The following LRFN5 variants were observed in gnomAD, a reference collection of about 807,000 sequenced individuals.
LRFN5 encodes the protein leucine-rich repeat and fibronectin type-III domain-containing protein 5.
In LRFN5, 24 loss-of-function variants were observed where a neutral mutation model predicts 45.6. The ratio of observed to expected loss-of-function variants is 0.53; its 90% CI spans 0.38 to 0.74. The LOEUF (loss-of-function observed/expected upper bound fraction) is 0.74, where lower values mean the gene tolerates loss of function less well. Ranked by LOEUF, LRFN5 falls within the 30% of genes least tolerant of loss-of-function variation. The probability of loss-of-function intolerance (pLI) is 0.00; values close to 1 mark genes in which losing one functional copy is unlikely to be tolerated. For synonymous variants in LRFN5, 340 were observed against 313.8 expected (o/e 1.08, Z -0.88); for missense variants, 776 against 861.5 (o/e 0.90, Z 1.24).
chr14:41,896,758 G>A lies in LRFN5; in HGVS notation c.2099-2159G>A, dbSNP rs1161986007. On this transcript the variant is annotated intron_variant, in intron 4 of 5. Coordinates refer to ENST00000298119, the MANE Select transcript of LRFN5 (RefSeq NM_152447.5). Reference sequence around the variant, plus strand: ...TTATTTATTATTATGTTTTTCCACAGAAACAATCAATTCATGTAGCAGGGT... The same window carrying A: ...TTATTTATTATTATGTTTTTCCACAAAAACAATCAATTCATGTAGCAGGGT... 2.6e-5 allele frequency among the ~76,000 whole-genome samples: 4 copies of A among 151,934 alleles called. 1 individual carries two copies. The East Asian group carries it at 7.7e-4, about 29-fold the overall frequency.
At chr14:41,782,065 T>C (rs954906284) in intron 2 of LRFN5, among the ~76,000 whole-genome samples, 5 of 152,024 alleles carry the variant, frequency 3.3e-5, no homozygotes, top group Admixed American at 2.0e-4. Context: ...AGTGTTTGTC[T>C]TTAATTTAAA....
At chr14:41,882,876 T>C (rs1485783958) in intron 2 of LRFN5, among the ~76,000 whole-genome samples, 1 of 141,894 alleles carries the variant, frequency 7.0e-6, no homozygotes, top group Non-Finnish European at 1.5e-5. Flanking sequence ...TGAGATGGAT[T>C]CTCGTTCTGT....
intron 2 of LRFN5, among the ~76,000 whole-genome samples, chr14:41,800,168 T>A (rs554020994): frequency 6.6e-6 from 1 of 152,190 alleles, no homozygotes; most frequent in Non-Finnish European, 1.5e-5. Flanking sequence ...TCAAGTTGCA[T>A]CACATCCTAT....
intron 1 of LRFN5, among the ~76,000 whole-genome samples, chr14:41,722,895 C>T (rs149853396): frequency 5.6e-4 from 86 of 152,270 alleles, no homozygotes; most frequent in African/African-American, 1.5e-3. Context: ...TGGGCAGGTC[C>T]ACCTACAGTT....
chr14:41,623,783 A>G (rs962802045), intron 1 of LRFN5, among the ~76,000 whole-genome samples: 2 of 152,074 alleles, frequency 1.3e-5, no homozygotes, highest in Non-Finnish European at 2.9e-5. Flanking sequence ...TAAAAGTTGC[A>G]TATTTATTTT....
intron 1 of LRFN5, among the ~76,000 whole-genome samples, chr14:41,725,349 T>G (rs1333474096): frequency 6.6e-6 from 1 of 152,210 alleles, no homozygotes; most frequent in Non-Finnish European, 1.5e-5. Flanking sequence ...CATGGCTTCA[T>G]CTGCTGTTTG....
At chr14:41,660,576 T>C (rs1880602350) in intron 1 of LRFN5, among the ~76,000 whole-genome samples, 1 of 152,102 alleles carries the variant, frequency 6.6e-6, no homozygotes, top group Non-Finnish European at 1.5e-5. Flanking sequence ...CCCTTTATTG[T>C]AGACATTGGA....
chr14:41,885,011 A>G (rs1791699622), intron 2 of LRFN5, among the ~76,000 whole-genome samples: 1 of 152,194 alleles, frequency 6.6e-6, no homozygotes, highest in Non-Finnish European at 1.5e-5. Context: ...GAAAATATGT[A>G]TGATTTTCTG....
At chr14:41,750,987 G>A (rs371494415) in intron 1 of LRFN5, among the ~76,000 whole-genome samples, 2 of 151,740 alleles carry the variant, frequency 1.3e-5, no homozygotes, top group South Asian at 2.1e-4. Context: ...CCTACGTCCC[G>A]ACAGGCCCCA....
At chr14:41,746,536 C>T (rs1440482857) in intron 1 of LRFN5, among the ~76,000 whole-genome samples, 1 of 151,954 alleles carries the variant, frequency 6.6e-6, no homozygotes, top group Non-Finnish European at 1.5e-5. Flanking sequence ...GATGATATCT[C>T]ATTGTAGATT....
intron 4 of LRFN5, chr14:41,893,636 A>G: frequency 1.0e-6 from 1 of 985,324 alleles, no homozygotes; most frequent in Non-Finnish European, 1.2e-6. Context: ...CATATACAAC[A>G]ATTTCAGTTA....
At chr14:41,860,816 G>A (rs1236143390) in intron 2 of LRFN5, among the ~76,000 whole-genome samples, 1 of 152,132 alleles carries the variant, frequency 6.6e-6, no homozygotes, top group Non-Finnish European at 1.5e-5. Context: ...GACTTCTTTA[G>A]CAGATGAAGG....
chr14:41,831,156 T>A (rs1439820731), intron 2 of LRFN5, among the ~76,000 whole-genome samples: 1 of 152,192 alleles, frequency 6.6e-6, no homozygotes, highest in Non-Finnish European at 1.5e-5. Context: ...ATTGAAAACA[T>A]GCTAACCTTC....
At chr14:41,660,151 G>A (rs956159228) in intron 1 of LRFN5, among the ~76,000 whole-genome samples, 1 of 151,980 alleles carries the variant, frequency 6.6e-6, no homozygotes, top group African/African-American at 2.4e-5. Context: ...CCAGCCTCCT[G>A]AGTAGCTGAG....
At chr14:41,670,277 A>ATATATG (rs1881132464) in intron 1 of LRFN5, among the ~76,000 whole-genome samples, 1 of 67,604 alleles carries the variant, frequency 1.5e-5, no homozygotes, top group African/African-American at 8.2e-5. Context: ...ATATATATAT[A>ATATATG]TATATATATA....
intron 2 of LRFN5, among the ~76,000 whole-genome samples, chr14:41,794,591 A>G (rs917424039): frequency 6.6e-6 from 1 of 152,100 alleles, no homozygotes; most frequent in Non-Finnish European, 1.5e-5. Context: ...ACAGAAAAGT[A>G]CAGTGTGGGA....
chr14:41,702,124 TGAGA>T (rs1239671360), intron 1 of LRFN5, among the ~76,000 whole-genome samples: 4 of 152,076 alleles, frequency 2.6e-5, no homozygotes, highest in South Asian at 4.1e-4. Flanking sequence ...TGTGAGCAAA[TGAGA>T]GAGAATTTAA....
At chr14:41,898,332 A>G (rs1891004110) in intron 4 of LRFN5, among the ~76,000 whole-genome samples, 1 of 152,112 alleles carries the variant, frequency 6.6e-6, no homozygotes, top group Non-Finnish European at 1.5e-5. Flanking sequence ...GAACCTACAT[A>G]TAAACATTTA....
At chr14:41,662,118 G>A (rs140056237) in intron 1 of LRFN5, among the ~76,000 whole-genome samples, 1 of 152,120 alleles carries the variant, frequency 6.6e-6, no homozygotes, top group East Asian at 1.9e-4. Flanking sequence ...AACAGGGCCA[G>A]CTTTATTCAG....
Sources: gnomAD v4.1 joint callset for allele counts (sites outside exome capture counted in the v4.1 genomes callset) on GRCh38, gnomAD v4.1.1 for gene constraint, MANE v1.5 for transcripts, NCBI Gene and HGNC (gene_info 2026-07-23, HGNC 2026-07-21) for gene names.